NFIA: variants seen among roughly 807,000 people sequenced by gnomAD.
The protein encoded by NFIA is nuclear factor 1 A-type.
NFIA carries 8 observed loss-of-function variants against 62.8 expected under a neutral mutation model. The ratio of observed to expected loss-of-function variants is 0.13; its 90% CI spans 0.07 to 0.23. The LOEUF (loss-of-function observed/expected upper bound fraction) is 0.23. Ranked by LOEUF, NFIA falls within the 10% of genes least tolerant of loss-of-function variation. The pLI is 1.00. For synonymous variants in NFIA, 235 were observed against 238.1 expected (o/e 0.99, Z 0.12); for missense variants, 410 against 642.1 (o/e 0.64, Z 3.91).
At chr1:61,142,529 G>C (rs1303758714) in intron 2 of NFIA, among the ~76,000 whole-genome samples, 1 of 152,038 alleles carries the variant, frequency 6.6e-6, no homozygotes, top group East Asian at 1.9e-4. Flanking sequence ...AGTAAACTAT[G>C]GTTTTGGGAT....
chr1:61,166,482 G>A (rs919234648), intron 2 of NFIA, among the ~76,000 whole-genome samples: 1 of 152,162 alleles, frequency 6.6e-6, no homozygotes, highest in Non-Finnish European at 1.5e-5. Context: ...AAAAATAGCA[G>A]ATGGGCTTAA....
chr1:61,409,044 C>A (rs1569800140), intron 9 of NFIA, among the ~76,000 whole-genome samples: 1 of 152,312 alleles, frequency 6.6e-6, no homozygotes, highest in Admixed American at 6.5e-5. Context: ...TACCTATCAT[C>A]CTCTTGTGCC....
chr1:61,325,882 G>A (rs12742828), intron 3 of NFIA, among the ~76,000 whole-genome samples: 9,896 of 123,048 alleles, frequency 0.08, 352 homozygotes, highest in South Asian at 0.14. Context: ...GCAGTGAGCC[G>A]AAATGGCGCC....
At position 61,459,404 on chromosome 1, in the gene NFIA, C is replaced by G. The variant is rs35067979; in HGVS notation, c.*4084C>G. 1 of 152,238 alleles carries G rather than the reference C, an allele frequency of 6.6e-6. No homozygotes were observed. Among genetic ancestry groups the G allele is most frequent in the Non-Finnish European group, 1.5e-5 (1 of 68,112 alleles). 9.4% of individuals were successfully genotyped at this position (152,238 alleles called of 1,614,324 possible). A position where few individuals can be genotyped will look rare whatever the true frequency, so the allele number is the denominator to read the frequency against. The stretch of plus-strand genomic sequence containing the variant: ...AACGCCCCTTTTCTGATCATTCGTG[C>G]GCAGAGGGCCTCCCAGTAATGCCAC... On this transcript the variant is annotated 3_prime_UTR_variant, in exon 11 of 11. Coordinates refer to ENST00000403491, the MANE Select transcript of NFIA (RefSeq NM_001134673.4).
intron 6 of NFIA, 70 bp downstream of exon 6, chr1:61,359,344 C>G: frequency 6.2e-7 from 1 of 1,603,518 alleles, no homozygotes; most frequent in Non-Finnish European, 8.5e-7. Flanking sequence ...GGTCCCATGC[C>G]ACGCATAAAA....
chr1:61,315,272 C>T (rs886859977), intron 3 of NFIA, among the ~76,000 whole-genome samples: 6 of 152,150 alleles, frequency 3.9e-5, no homozygotes, highest in Non-Finnish European at 7.4e-5. Context: ...GAAATGCCTA[C>T]GGTAGTGAAA....
At chr1:61,195,759 A>C (rs543283477) in intron 2 of NFIA, among the ~76,000 whole-genome samples, 2 of 152,192 alleles carry the variant, frequency 1.3e-5, no homozygotes, top group Non-Finnish European at 2.9e-5. Flanking sequence ...TTTTAGAACC[A>C]CAAGAAATAT....
intron 6 of NFIA, among the ~76,000 whole-genome samples, chr1:61,376,015 C>G (rs1470162362): frequency 4.6e-5 from 7 of 152,250 alleles, no homozygotes; most frequent in Admixed American, 4.6e-4. Context: ...TTTCTGTCCT[C>G]ATTATACGTG....
chr1:61,400,357 G>C (rs1415844383), intron 7 of NFIA, among the ~76,000 whole-genome samples: 1 of 152,198 alleles, frequency 6.6e-6, no homozygotes, highest in Admixed American at 6.5e-5. Flanking sequence ...ACTCGTTAAA[G>C]TTTAAACTAG....
intron 2 of NFIA, among the ~76,000 whole-genome samples, chr1:61,108,343 C>G (rs1323941953): frequency 3.3e-5 from 5 of 151,510 alleles, no homozygotes; most frequent in Admixed American, 1.3e-4. Context: ...GTTTTGAACA[C>G]TTTTGTGAAG....
rs34809808 is a variant in NFIA, at chr1:61,333,068, T to TACACAC, written c.700+500_700+505dup. On this transcript the variant is annotated intron_variant, in intron 4 of 10. Coordinates refer to ENST00000403491, the MANE Select transcript of NFIA (RefSeq NM_001134673.4). ...GCACGCACACACACACACACACACATACACACACACACACACACACACATA... is the reference window on the plus strand; with the variant it reads ...GCACGCACACACACACACACACACATACACACACACACACACACACACACACACATA... Among the ~76,000 whole-genome samples the TACACAC allele has an allele frequency of 1.4e-4, 18 of 132,676 alleles. No homozygotes were observed. The East Asian group carries it at 1.7e-3, about 13-fold the overall frequency. 87.0% of individuals were successfully genotyped at this position (132,676 alleles called of 152,430 possible). A position where few individuals can be genotyped will look rare whatever the true frequency, so the allele number is the denominator to read the frequency against.
intron 2 of NFIA, among the ~76,000 whole-genome samples, chr1:61,099,072 C>T (rs1646465667): frequency 6.6e-6 from 1 of 152,208 alleles, no homozygotes; most frequent in Non-Finnish European, 1.5e-5. Flanking sequence ...TAAATGTAAT[C>T]CTTTGTACTT....
chr1:61,276,154 A>G (rs1374290306), intron 2 of NFIA, among the ~76,000 whole-genome samples: 2 of 152,208 alleles, frequency 1.3e-5, no homozygotes, highest in East Asian at 3.8e-4. Context: ...AATTTTTGCT[A>G]TAGTCACCAG....
At chr1:61,178,221 A>T (rs1314238897) in intron 2 of NFIA, among the ~76,000 whole-genome samples, 1 of 152,206 alleles carries the variant, frequency 6.6e-6, no homozygotes, top group African/African-American at 2.4e-5. Flanking sequence ...ACACTGGCAA[A>T]TAATTAGTTT....
intron 4 of NFIA, among the ~76,000 whole-genome samples, chr1:61,345,655 G>C (rs980816696): frequency 2.0e-5 from 3 of 152,102 alleles, no homozygotes; most frequent in African/African-American, 7.2e-5. Context: ...ATTCTCCTAG[G>C]AACGCAAACC....
chr1:61,243,273 A>C (rs1023839750), intron 2 of NFIA, among the ~76,000 whole-genome samples: 1 of 152,186 alleles, frequency 6.6e-6, no homozygotes, highest in Non-Finnish European at 1.5e-5. Context: ...TTAGCAGGGC[A>C]AATGTGTGAT....
At chr1:61,409,734 C>T (rs17122182) in intron 9 of NFIA, among the ~76,000 whole-genome samples, 4 of 152,146 alleles carry the variant, frequency 2.6e-5, no homozygotes, top group Non-Finnish European at 5.9e-5. Context: ...ACATATGGTC[C>T]GCCCTAGCCT....
intron 9 of NFIA, among the ~76,000 whole-genome samples, chr1:61,410,094 G>A (rs1345333107): frequency 1.3e-5 from 2 of 152,144 alleles, no homozygotes; most frequent in East Asian, 3.9e-4. Flanking sequence ...AAGAAATGGG[G>A]ATCTATTGAG....
chr1:61,288,721 G>A (rs925515924), intron 3 of NFIA, among the ~76,000 whole-genome samples: 2 of 152,126 alleles, frequency 1.3e-5, no homozygotes, highest in Admixed American at 1.3e-4. Flanking sequence ...GAACTTTTAG[G>A]CTGCAGTACA....
Sources: gnomAD v4.1 joint callset for allele counts (sites outside exome capture counted in the v4.1 genomes callset) on GRCh38, gnomAD v4.1.1 for gene constraint, MANE v1.5 for transcripts, NCBI Gene and HGNC (gene_info 2026-07-23, HGNC 2026-07-21) for gene names.